Variants in CRTC3 observed in about 807,000 individuals in gnomAD.
The protein encoded by CRTC3 is CREB-regulated transcription coactivator 3.
Under a neutral mutation model 74.5 loss-of-function variants are expected in CRTC3, and 26 were observed. That is an observed-to-expected ratio of 0.35 (90% CI 0.26 to 0.48). CRTC3 has a LOEUF of 0.48. Among genes scored for constraint, CRTC3 ranks in the 20% least tolerant of loss-of-function variants. The pLI is 0.99. For synonymous variants in CRTC3, 377 were observed against 325.8 expected (o/e 1.16, Z -1.69); for missense variants, 760 against 787.3 (o/e 0.97, Z 0.41).
At chr15:90,593,908 C>T (rs966705002) in intron 3 of CRTC3, 153 bp downstream of exon 3, 2 of 672,148 alleles carry the variant, frequency 3.0e-6, no homozygotes, top group South Asian at 3.1e-5. Context: ...AAACTAGAAA[C>T]ATCTCTGCAG....
At chr15:90,599,234 T>A (rs1472091264) in intron 3 of CRTC3, 3 of 152,174 alleles carry the variant, frequency 2.0e-5, no homozygotes, top group African/African-American at 7.2e-5. Context: ...AATGTGGAAA[T>A]CTTCCTTGAG....
At chr15:90,565,567 G>A (rs539181220) in intron 2 of CRTC3, among the ~76,000 whole-genome samples, 1 of 152,254 alleles carries the variant, frequency 6.6e-6, no homozygotes, top group South Asian at 2.1e-4. Flanking sequence ...CAAGTTGAAG[G>A]TTTGTGGCAA....
chr15:90,590,389 A>G (rs1403176248), intron 2 of CRTC3, among the ~76,000 whole-genome samples: 1 of 152,114 alleles, frequency 6.6e-6, no homozygotes, highest in Non-Finnish European at 1.5e-5. Flanking sequence ...GAAAAGGAGT[A>G]GAAAAAGTGA....
At chr15:90,544,024 G>T (rs886536726) in intron 2 of CRTC3, among the ~76,000 whole-genome samples, 1 of 152,146 alleles carries the variant, frequency 6.6e-6, no homozygotes, top group Non-Finnish European at 1.5e-5. Flanking sequence ...TCCTAGGGCT[G>T]CTGTAACAAA....
At chr15:90,558,872 C>T (rs944512976) in intron 2 of CRTC3, among the ~76,000 whole-genome samples, 2 of 151,864 alleles carry the variant, frequency 1.3e-5, no homozygotes, top group African/African-American at 4.8e-5. Context: ...CTGCCTCAGC[C>T]TCCTGAGTAG....
chr15:90,566,787 T>G (rs1352611461), intron 2 of CRTC3, among the ~76,000 whole-genome samples: 2 of 150,630 alleles, frequency 1.3e-5, no homozygotes, highest in East Asian at 4.1e-4. Context: ...CTCAGCTCAC[T>G]GCAACATCCA....
intron 2 of CRTC3, among the ~76,000 whole-genome samples, chr15:90,541,782 CTTTTTTTCT>C (rs1393851205): frequency 8.3e-6 from 1 of 120,100 alleles, no homozygotes; most frequent in East Asian, 2.3e-4. Flanking sequence ...TCCCAGGATT[CTTTTTTTCT>C]TTTTTTTTTT....
At chr15:90,546,807 T>G (rs11635792) in intron 2 of CRTC3, among the ~76,000 whole-genome samples, 40,755 of 152,028 alleles carry the variant, frequency 0.27, 6,071 homozygotes, top group East Asian at 0.46. Flanking sequence ...GTATTTGTAT[T>G]AGAGACGGGG....
At chr15:90,598,644 G>A in intron 3 of CRTC3, 4 of 640,118 alleles carry the variant, frequency 6.2e-6, no homozygotes, top group Non-Finnish European at 1.1e-5. Flanking sequence ...ACAGATTAAG[G>A]GGACAGTGAT....
At chr15:90,636,593 A>T (rs1267881343) in intron 11 of CRTC3, among the ~76,000 whole-genome samples, 1 of 152,172 alleles carries the variant, frequency 6.6e-6, no homozygotes, top group African/African-American at 2.4e-5. Context: ...TGCACAGCAA[A>T]AGAAACTACC....
At position 90,644,865 on chromosome 15, in the gene CRTC3, T is replaced by C. The variant is rs1239752106; in HGVS notation, c.*2725T>C. The C allele has an allele frequency of 8.6e-6, 2 of 232,336 alleles. No homozygotes were observed. The highest frequency in any genetic ancestry group is 1.8e-4 in the South Asian group (1 of 5,532). 14.4% of individuals were successfully genotyped at this position (232,336 alleles called of 1,614,324 possible). A position where few individuals can be genotyped will look rare whatever the true frequency, so the allele number is the denominator to read the frequency against. On this transcript the variant is annotated 3_prime_UTR_variant, in exon 15 of 15. Transcript: ENST00000268184. ...TTTTGTCACAAGAAATCGACCATTG[T>C]ACTACTCTCACTTACAGCAGTTAAA...
chr15:90,604,256 G>C, intron 4 of CRTC3, 129 bp from the exon 5 acceptor site: 2 of 700,576 alleles, frequency 2.9e-6, no homozygotes, highest in South Asian at 3.2e-5. Context: ...CGAGGTGTGG[G>C]GTATTTTTAA....
chr15:90,596,266 T>C (rs1967924195), intron 3 of CRTC3: 1 of 151,992 alleles, frequency 6.6e-6, no homozygotes, highest in Admixed American at 6.6e-5. Context: ...ATGAGTGAGA[T>C]TTAAGAGAGT....
chr15:90,543,109 A>T (rs2151057620), intron 2 of CRTC3, among the ~76,000 whole-genome samples: 1 of 148,308 alleles, frequency 6.7e-6, no homozygotes, highest in East Asian at 2.0e-4. Context: ...CAGCCTGGGC[A>T]ACATGGAGAG....
At chr15:90,638,351 T>C in intron 11 of CRTC3, 95 bp from the exon 12 acceptor site, 1 of 1,070,944 alleles carries the variant, frequency 9.3e-7, no homozygotes, top group East Asian at 2.4e-5. Context: ...GAGGAAAATC[T>C]CAGGCTTCCT....
chr15:90,633,247 A>T (rs931128103), intron 11 of CRTC3, among the ~76,000 whole-genome samples: 42 of 151,942 alleles, frequency 2.8e-4, no homozygotes, highest in Non-Finnish European at 5.9e-5. Context: ...ATATGTATCT[A>T]TGTGTATGAC....
chr15:90,607,197 C>T (rs199541318), intron 5 of CRTC3, among the ~76,000 whole-genome samples, 181 bp from the exon 6 acceptor site: 2 of 152,144 alleles, frequency 1.3e-5, no homozygotes, highest in South Asian at 2.1e-4. Context: ...GGAGTGTGGG[C>T]GATCCTCAGA....
intron 9 of CRTC3, among the ~76,000 whole-genome samples, chr15:90,624,224 G>A (rs1022022993): frequency 3.0e-4 from 45 of 151,924 alleles, no homozygotes; most frequent in Admixed American, 1.3e-4. Flanking sequence ...ACCTTCTCCC[G>A]CATTCTCCTC....
chr15:90,602,204 G>T, intron 3 of CRTC3, 120 bp from the exon 4 acceptor site: 1 of 655,568 alleles, frequency 1.5e-6, no homozygotes, highest in Non-Finnish European at 2.7e-6. Context: ...TGAAGGAAGA[G>T]CTGTCAGGTA....
Sources: gnomAD v4.1 joint callset for allele counts (sites outside exome capture counted in the v4.1 genomes callset) on GRCh38, gnomAD v4.1.1 for gene constraint, MANE v1.5 for transcripts, NCBI Gene and HGNC (gene_info 2026-07-23, HGNC 2026-07-21) for gene names.